The following HS3ST4 variants were observed in gnomAD, a reference collection of about 807,000 sequenced individuals.
HS3ST4 encodes the protein heparan sulfate-glucosamine 3-sulfotransferase 4, also known as heparan sulfate glucosamine 3-O-sulfotransferase 4.
In HS3ST4, 17 loss-of-function variants were observed where a neutral mutation model predicts 29.2. The observed-to-expected ratio is 0.58, with a 90% CI of 0.40 to 0.87. The LOEUF (loss-of-function observed/expected upper bound fraction) is 0.87, where lower values mean the gene tolerates loss of function less well. HS3ST4 is among the 40% of genes least tolerant of loss of function. HS3ST4 has a pLI of 0.00. For missense variants in HS3ST4, 627 were observed against 634.5 expected, an observed-to-expected ratio of 0.99 and a Z score of 0.13; for synonymous variants, 314 against 285.7, an observed-to-expected ratio of 1.10 and a Z score of -1.00.
At chr16:26,039,018 G>A (rs1472975743) in intron 1 of HS3ST4, among the ~76,000 whole-genome samples, 1 of 152,072 alleles carries the variant, frequency 6.6e-6, no homozygotes, top group Non-Finnish European at 1.5e-5. Context: ...AGTGTTGCCT[G>A]ATCTCGGTGA....
chr16:25,874,616 T>G (rs910436937), intron 1 of HS3ST4, among the ~76,000 whole-genome samples: 2 of 152,214 alleles, frequency 1.3e-5, no homozygotes, highest in African/African-American at 4.8e-5. Flanking sequence ...TCTGTTTACC[T>G]ATCCACTCTT....
intron 1 of HS3ST4, among the ~76,000 whole-genome samples, chr16:25,779,586 A>G (rs932679598): frequency 1.3e-5 from 2 of 152,198 alleles, no homozygotes; most frequent in Admixed American, 1.3e-4. Context: ...TCTAACCTCA[A>G]AAGTGTCCCT....
chr16:25,794,344 G>A (rs879616898), intron 1 of HS3ST4, among the ~76,000 whole-genome samples: 10 of 151,698 alleles, frequency 6.6e-5, no homozygotes, highest in Non-Finnish European at 1.3e-4. Flanking sequence ...TGCATTTCCT[G>A]TTTGTATATG....
At chr16:25,928,981 G>A (rs999318515) in intron 1 of HS3ST4, among the ~76,000 whole-genome samples, 1 of 152,170 alleles carries the variant, frequency 6.6e-6, no homozygotes, top group South Asian at 2.1e-4. Flanking sequence ...TTCAGGAAAG[G>A]CTTTGGTCCA....
At chr16:26,089,147 C>A (rs75756626) in intron 1 of HS3ST4, among the ~76,000 whole-genome samples, 9,864 of 152,222 alleles carry the variant, frequency 0.065, 374 homozygotes, top group Middle Eastern at 0.13. Context: ...TAGTCCTGGT[C>A]CCACTGTGCT....
At chr16:25,923,624 A>ATG (rs147702409) in intron 1 of HS3ST4, among the ~76,000 whole-genome samples, 11,685 of 151,730 alleles carry the variant, frequency 0.077, 563 homozygotes, top group Non-Finnish European at 0.096. Context: ...ATTAAAATAT[A>ATG]TGTGTGTGTG....
chr16:25,773,169 A>C (rs1156567546), intron 1 of HS3ST4, among the ~76,000 whole-genome samples: 1 of 152,150 alleles, frequency 6.6e-6, no homozygotes, highest in Non-Finnish European at 1.5e-5. Context: ...TTCCTTATCT[A>C]CCCACACTTC....
chr16:26,134,356 TCTTTTC>T lies in HS3ST4; in HGVS notation c.735-1255_735-1250del, dbSNP rs1421495993. On this transcript the variant is annotated intron_variant, in intron 1 of 1. Transcript: ENST00000331351. ...TCTTTTCTTTTCTTTTCTTTTCTTTTCTTTTCTTTTTTTTTTTTTTGATTGAGATGG... is the reference window on the plus strand; with the variant it reads ...TCTTTTCTTTTCTTTTCTTTTCTTTTTTTTTTTTTTTTTTGATTGAGATGG... 3.3e-3 allele frequency among the ~76,000 whole-genome samples: 367 copies of T among 110,066 alleles called. 3 individuals carry two copies. The highest frequency in any genetic ancestry group is 5.7e-3 in the African/African-American group (160 of 28,076). 72.2% of individuals were successfully genotyped at this position (110,066 alleles called of 152,430 possible).
At chr16:25,873,634 ATTCATCCATCCATCCATCCGTCCG>A in intron 1 of HS3ST4, among the ~76,000 whole-genome samples, 1 of 141,690 alleles carries the variant, frequency 7.1e-6, no homozygotes, top group South Asian at 2.3e-4. Flanking sequence ...CCACCCATCC[ATTCATCCATCCATCCATCCGTCCG>A]TCCATCCATC....
chr16:26,082,841 G>T (rs563893101), intron 1 of HS3ST4, among the ~76,000 whole-genome samples: 2 of 152,198 alleles, frequency 1.3e-5, no homozygotes, highest in East Asian at 1.9e-4. Flanking sequence ...CTTACCAAGT[G>T]CATTGTCCAT....
intron 1 of HS3ST4, among the ~76,000 whole-genome samples, chr16:25,999,454 G>GT (rs1969185892): frequency 6.6e-6 from 1 of 151,784 alleles, no homozygotes; most frequent in Non-Finnish European, 1.5e-5. Context: ...ATGCGCAGAT[G>GT]TTTTTTCAGA....
intron 1 of HS3ST4, among the ~76,000 whole-genome samples, chr16:25,862,797 G>A (rs779618851): frequency 2.0e-5 from 3 of 152,226 alleles, no homozygotes; most frequent in Non-Finnish European, 4.4e-5. Context: ...TCTTACAGAA[G>A]TGAAAATGTC....
At chr16:25,850,001 CTT>C (rs11342321) in intron 1 of HS3ST4, among the ~76,000 whole-genome samples, 30 of 133,856 alleles carry the variant, frequency 2.2e-4, no homozygotes, top group East Asian at 6.5e-4. Flanking sequence ...GCCTAGATGC[CTT>C]TTTTTTTTTT....
intron 1 of HS3ST4, among the ~76,000 whole-genome samples, chr16:26,008,332 T>A (rs553377689): frequency 6.6e-6 from 1 of 152,304 alleles, no homozygotes; most frequent in Admixed American, 6.5e-5. Flanking sequence ...GCTTACTTCA[T>A]TATGTCTGTT....
At chr16:25,972,244 G>A (rs896840831) in intron 1 of HS3ST4, among the ~76,000 whole-genome samples, 1 of 152,206 alleles carries the variant, frequency 6.6e-6, no homozygotes, top group Admixed American at 6.5e-5. Context: ...AGCTATTGCC[G>A]CATAACAGGT....
At chr16:26,123,645 A>G (rs1899304951) in intron 1 of HS3ST4, among the ~76,000 whole-genome samples, 1 of 152,178 alleles carries the variant, frequency 6.6e-6, no homozygotes, top group Non-Finnish European at 1.5e-5. Context: ...CTCAATATGT[A>G]GTCTTTTATC....
intron 1 of HS3ST4, among the ~76,000 whole-genome samples, chr16:25,754,295 T>C (rs181205082): frequency 9.3e-4 from 141 of 152,224 alleles, no homozygotes; most frequent in African/African-American, 3.2e-3. Flanking sequence ...ACACACTCCA[T>C]ACAGCTACCC....
intron 1 of HS3ST4, among the ~76,000 whole-genome samples, chr16:25,915,884 GA>G (rs1395128317): frequency 1.3e-5 from 2 of 152,176 alleles, no homozygotes; most frequent in African/African-American, 4.8e-5. Context: ...TCAGTTCCAT[GA>G]TCTGGAAGAA....
At chr16:26,008,047 G>A (rs1244371420) in intron 1 of HS3ST4, among the ~76,000 whole-genome samples, 1 of 152,010 alleles carries the variant, frequency 6.6e-6, no homozygotes, top group African/African-American at 2.4e-5. Flanking sequence ...TTAGCTCTTA[G>A]TGAGCTCTTT....
Sources: gnomAD v4.1 joint callset for allele counts (sites outside exome capture counted in the v4.1 genomes callset) on GRCh38, gnomAD v4.1.1 for gene constraint, MANE v1.5 for transcripts, NCBI Gene and HGNC (gene_info 2026-07-23, HGNC 2026-07-21) for gene names.